The following STARD8 variants were observed in gnomAD, a reference collection of about 807,000 sequenced individuals.
STARD8 encodes StAR related lipid transfer domain containing 8, also known as stAR-related lipid transfer protein 8.
STARD8 carries 25 observed loss-of-function variants against 69.4 expected under a neutral mutation model. The observed-to-expected ratio is 0.36, with a 90% CI of 0.26 to 0.50. STARD8 has a LOEUF of 0.50. Among genes scored for constraint, STARD8 ranks in the 20% least tolerant of loss-of-function variants. STARD8 has a pLI of 0.96. For synonymous variants in STARD8, 389 were observed against 374.6 expected, an observed-to-expected ratio of 1.04 and a Z score of -0.45; for missense variants, 921 against 932.5, an observed-to-expected ratio of 0.99 and a Z score of 0.16.
intron 1 of STARD8, among the ~76,000 whole-genome samples, chrX:68,650,281 C>T (rs116528114): frequency 0.076 from 8,253 of 108,134 alleles, 805 homozygotes; most frequent in African/African-American, 0.27. Context: ...TTGCTGGGCA[C>T]GGTGATGCAT....
chrX:68,696,773 G>C (rs1290495038), intron 2 of STARD8, among the ~76,000 whole-genome samples: 1 of 111,733 alleles, frequency 8.9e-6, no homozygotes, highest in Non-Finnish European at 1.9e-5. Flanking sequence ...TTAAGTTTAG[G>C]CTTGGTGCTA....
Position 68,724,004 on chromosome X carries a change from C to T in STARD8, c.3077C>T (p.Pro1026Leu), listed in dbSNP as rs748875358. ...CTGCTTGTCTCCCAGTCCCTGGATC[C>T]GGAACAACCTGTGCCAGAGTCGGGT... is the stretch of plus-strand genomic sequence containing the variant. The part of the protein sequence containing the change: ...GCLLVSQSLD[P>L]EQPVPESGVR... Residue 1026 changes from proline to leucine, a missense_variant, in exon 14 of 15, where the codon CCG becomes CTG. Transcript: ENST00000374599. 3.0e-5 allele frequency: 36 copies of T among 1,210,676 alleles called. No homozygotes were observed. Among genetic ancestry groups the T allele is most frequent in the South Asian group, 1.8e-4 (10 of 56,864 alleles).
At chrX:68,704,778 G>A (rs766982978) in intron 2 of STARD8, among the ~76,000 whole-genome samples, 3 of 111,122 alleles carry the variant, frequency 2.7e-5, no homozygotes, top group Non-Finnish European at 5.7e-5. Flanking sequence ...GAAGCTCCCC[G>A]CACTGAGACA....
chrX:68,724,906 C>T lies in STARD8; in HGVS notation c.*484C>T, dbSNP rs950846192. 8.7e-6 allele frequency: 1 copy of T among 114,833 alleles called. No individual in the cohort carries two copies. The highest frequency in any genetic ancestry group is 2.8e-4 in the East Asian group (1 of 3,568). The allele number at this position is 114,833 out of a possible 1,213,427, so 9.5% of individuals were successfully genotyped here. A position where few individuals can be genotyped will look rare whatever the true frequency, so the allele number is the denominator to read the frequency against. ...GGGGCCAACGCTGGCTCTGAAGTGTCTTTTTCAGAGGAATTGGACTGGAGT... is the reference window on the plus strand; with the variant it reads ...GGGGCCAACGCTGGCTCTGAAGTGTTTTTTTCAGAGGAATTGGACTGGAGT... On this transcript the variant is annotated 3_prime_UTR_variant, in exon 15 of 15. Coordinates refer to ENST00000374599, the MANE Select transcript of STARD8 (RefSeq NM_001142503.3).
In STARD8 at chrX:68,647,908, C is replaced by T. The variant is rs751917774; in HGVS notation, c.26C>T (p.Ser9Phe). The change falls in exon 1 of 15, where the codon TCT becomes TTT. Residue 9 changes from serine (S) to phenylalanine (F), a missense_variant. Physicochemically the swap from Ser to Phe is radical, Grantham distance 155. Coordinates refer to ENST00000374599, the MANE Select transcript of STARD8 (RefSeq NM_001142503.3). ...ATGCCTCTGCTGGACGTTTTCTGGT[C>T]TTGCTTCAGGAAGGTGAAGGTAAGT... The part of the protein sequence containing the change: MPLLDVFW[S>F]CFRKVKCFPL... The T allele has an allele frequency of 8.3e-7, 1 of 1,201,185 alleles. No homozygotes were observed. The highest frequency in any genetic ancestry group is 1.1e-6 in the Non-Finnish European group (1 of 890,237).
intron 2 of STARD8, among the ~76,000 whole-genome samples, chrX:68,712,508 A>G (rs1025391775): frequency 2.7e-5 from 3 of 112,957 alleles, no homozygotes; most frequent in African/African-American, 9.7e-5. Flanking sequence ...TGCCTGGGCT[A>G]AGGTGGTCTA....
intron 1 of STARD8, 30 bp downstream of exon 1, chrX:68,647,957 C>A (rs539891390): frequency 1.7e-6 from 2 of 1,187,665 alleles, no homozygotes; most frequent in Non-Finnish European, 2.3e-6. Flanking sequence ...CAGCCCATCC[C>A]GCTGCTCAGG....
chrX:68,705,445 A>G lies in STARD8; in HGVS notation c.80-7469A>G, dbSNP rs183059471. ...GCTTCACGGAGAGGAGCGGGGAACCACAGTTGGGGGTTTCTTGTGTAACTT... is the reference window on the plus strand; with the variant it reads ...GCTTCACGGAGAGGAGCGGGGAACCGCAGTTGGGGGTTTCTTGTGTAACTT... On this transcript the variant is annotated intron_variant, in intron 2 of 14. Coordinates refer to ENST00000374599, the MANE Select transcript of STARD8 (RefSeq NM_001142503.3). Among the ~76,000 whole-genome samples, 777 of 112,592 alleles carry G rather than the reference A, an allele frequency of 6.9e-3. 12 individuals are homozygous for G. Among genetic ancestry groups the G allele is most frequent in the African/African-American group, 0.024 (732 of 30,983 alleles).
intron 1 of STARD8, among the ~76,000 whole-genome samples, chrX:68,661,239 A>G (rs1003391320): frequency 8.1e-5 from 9 of 111,742 alleles, no homozygotes; most frequent in African/African-American, 2.6e-4. Context: ...GTGGCTGAGG[A>G]TGGCCCGGTT....
At chrX:68,674,786 T>C (rs2079753758) in intron 2 of STARD8, among the ~76,000 whole-genome samples, 1 of 109,041 alleles carries the variant, frequency 9.2e-6, no homozygotes, top group Non-Finnish European at 1.9e-5. Context: ...TTTTTGTTGT[T>C]GTTGTTGTTG....
At chrX:68,682,933 G>A in intron 2 of STARD8, among the ~76,000 whole-genome samples, 1 of 112,070 alleles carries the variant, frequency 8.9e-6, no homozygotes. Flanking sequence ...TTGCCACAGA[G>A]TGTGGCAGAG....
chrX:68,707,441 G>A (rs2080016298), intron 2 of STARD8, among the ~76,000 whole-genome samples: 1 of 112,000 alleles, frequency 8.9e-6, no homozygotes, highest in South Asian at 3.8e-4. Flanking sequence ...TATATCTGTG[G>A]CTTTCTAGCA....
intron 2 of STARD8, among the ~76,000 whole-genome samples, chrX:68,672,368 AG>A (rs2147886302): frequency 8.9e-6 from 1 of 112,128 alleles, no homozygotes; most frequent in East Asian, 2.8e-4. Flanking sequence ...TCTGCACAAC[AG>A]CATAGAGCTA....
chrX:68,665,613 G>A, intron 2 of STARD8, 81 bp downstream of exon 2: 1 of 1,051,134 alleles, frequency 9.5e-7, no homozygotes, highest in Non-Finnish European at 1.3e-6. Context: ...AACCGATCAG[G>A]TCCCTGGGCA....
chrX:68,668,098 TTTC>T (rs1161676644), intron 2 of STARD8, among the ~76,000 whole-genome samples: 53 of 99,677 alleles, frequency 5.3e-4, no homozygotes, highest in Non-Finnish European at 9.2e-4. Context: ...TCTTTCTTTC[TTTC>T]TTTCTTTCTT....
At chrX:68,691,568 A>G (rs1479329168) in intron 2 of STARD8, among the ~76,000 whole-genome samples, 1 of 112,347 alleles carries the variant, frequency 8.9e-6, no homozygotes, top group Non-Finnish European at 1.9e-5. Context: ...CCATTTCAAA[A>G]TGTCACAATG....
At chrX:68,708,009 C>T (rs2080021838) in intron 2 of STARD8, among the ~76,000 whole-genome samples, 1 of 112,138 alleles carries the variant, frequency 8.9e-6, no homozygotes, top group Non-Finnish European at 1.9e-5. Flanking sequence ...CTCTTTTCAA[C>T]TGGTACACAA....
intron 2 of STARD8, among the ~76,000 whole-genome samples, chrX:68,684,157 A>G (rs2079816766): frequency 8.9e-6 from 1 of 112,594 alleles, no homozygotes; most frequent in South Asian, 3.7e-4. Flanking sequence ...TATTATGTCC[A>G]TTATCTGGAG....
intron 1 of STARD8, among the ~76,000 whole-genome samples, chrX:68,654,752 C>T (rs146924083): frequency 0.022 from 2,446 of 111,700 alleles, 70 homozygotes; most frequent in African/African-American, 0.075. Flanking sequence ...CACACACACT[C>T]GCAAGTGAGG....
Sources: allele counts gnomAD v4.1 joint callset (sites outside exome capture counted in the v4.1 genomes callset), GRCh38; gene constraint gnomAD v4.1.1; transcripts MANE v1.5; gene names NCBI Gene and HGNC (gene_info 2026-07-23, HGNC 2026-07-21).